GRAP2: variants seen among roughly 807,000 people sequenced by gnomAD.
The protein encoded by GRAP2 is GRB2 related adaptor protein 2.
A neutral mutation model predicts 43.5 loss-of-function variants in GRAP2; 31 were observed. The ratio of observed to expected loss-of-function variants is 0.71; its 90% CI spans 0.54 to 0.96. The LOEUF is 0.96. Among genes scored for constraint, GRAP2 ranks in the 40% least tolerant of loss-of-function variants. GRAP2 has a pLI of 0.00. For synonymous variants in GRAP2, 156 were observed against 164.8 expected, an observed-to-expected ratio of 0.95 and a Z score of 0.41; for missense variants, 371 against 424.4, an observed-to-expected ratio of 0.87 and a Z score of 1.11.
intron 1 of GRAP2, among the ~76,000 whole-genome samples, chr22:39,903,184 G>C (rs1039597701): frequency 6.6e-6 from 1 of 152,196 alleles, no homozygotes. Flanking sequence ...ATAAGTAACA[G>C]TTGCTGCTGG....
chr22:39,966,028 A>G lies in GRAP2; in HGVS notation c.329A>G (p.Asp110Gly), dbSNP rs1164117471. The G allele has an allele frequency of 6.2e-7, 1 of 1,614,128 alleles. No homozygotes were observed. The highest frequency in any genetic ancestry group is 8.5e-7 in the Non-Finnish European group (1 of 1,179,946). The change falls in exon 5 of 8, where the codon GAC becomes GGC. Residue 110 changes from aspartate (D) to glycine (G), a missense_variant. Physicochemically the swap from Asp to Gly is moderately conservative, Grantham distance 94 (BLOSUM62 -1). Transcript: ENST00000344138. ...GTTCAACACTTCAAGGTCATGCGAG[A>G]CAACAAGGGTAATTACTTTCTGTGG... ...DDVQHFKVMR[D>G]NKGNYFLWTE...
chr22:39,901,327 A>C lies in GRAP2; in HGVS notation c.-18A>C. 8.5e-7 allele frequency: 1 copy of C among 1,173,980 alleles called. No homozygotes were observed. The highest frequency in any genetic ancestry group is 2.2e-4 in the Middle Eastern group (1 of 4,474). 72.7% of individuals were successfully genotyped at this position (1,173,980 alleles called of 1,614,324 possible). ...CATAAACTCAACCCCTTCTCTTCCA[A>C]AAGGTATGTCATTATACAACATCTG... On this transcript the variant is annotated 5_prime_UTR_variant, in exon 1 of 8. Transcript: ENST00000344138.
At chr22:39,933,916 AAGG>A (rs1277750630) in intron 1 of GRAP2, among the ~76,000 whole-genome samples, 1 of 152,098 alleles carries the variant, frequency 6.6e-6, no homozygotes, top group Non-Finnish European at 1.5e-5. Flanking sequence ...TCTGTCAAGC[AAGG>A]AGAATAGGGT....
At chr22:39,926,631 AAG>A (rs1488756619) in intron 1 of GRAP2, 1 of 985,358 alleles carries the variant, frequency 1.0e-6, no homozygotes, top group Non-Finnish European at 1.2e-6. Flanking sequence ...GGTTCGTGTT[AAG>A]TCTGAGTTCC....
chr22:39,958,933 C>T (rs1259053439), intron 3 of GRAP2, among the ~76,000 whole-genome samples: 1 of 152,242 alleles, frequency 6.6e-6, no homozygotes, highest in Non-Finnish European at 1.5e-5. Context: ...CAGTGGGGGA[C>T]TCAGTCTCCA....
intron 1 of GRAP2, among the ~76,000 whole-genome samples, chr22:39,928,855 A>G (rs898154551): frequency 5.9e-5 from 9 of 152,254 alleles, no homozygotes; most frequent in African/African-American, 2.2e-4. Flanking sequence ...GCTCTTCTCC[A>G]TAATGAGATA....
At chr22:39,917,301 C>T (rs1380162012) in intron 1 of GRAP2, among the ~76,000 whole-genome samples, 2 of 152,166 alleles carry the variant, frequency 1.3e-5, no homozygotes, top group African/African-American at 4.8e-5. Flanking sequence ...CAAAGCCCCC[C>T]TCTCTACAAC....
intron 2 of GRAP2, among the ~76,000 whole-genome samples, chr22:39,950,692 A>G (rs762894933): frequency 6.6e-6 from 1 of 152,244 alleles, no homozygotes; most frequent in Non-Finnish European, 1.5e-5. Flanking sequence ...TTCATTTAGA[A>G]TTCCATTGGA....
chr22:39,940,146 G>A (rs1008162179), intron 1 of GRAP2, among the ~76,000 whole-genome samples: 6 of 152,166 alleles, frequency 3.9e-5, no homozygotes, highest in African/African-American at 7.2e-5. Context: ...TAAAGGCTCC[G>A]GAAGATGAGT....
At chr22:39,915,188 C>CAAAAAAAAAAAAAA (rs71326789) in intron 1 of GRAP2, among the ~76,000 whole-genome samples, 2 of 56,838 alleles carry the variant, frequency 3.5e-5, no homozygotes, top group Non-Finnish European at 3.4e-5. Flanking sequence ...GACTCCATCT[C>CAAAAAAAAAAAAAA]AAAAAAAAAA....
chr22:39,962,410 GCAAGACCCTGTCT>G (rs2067128967), intron 4 of GRAP2, among the ~76,000 whole-genome samples: 1 of 152,032 alleles, frequency 6.6e-6, no homozygotes, highest in African/African-American at 2.4e-5. Context: ...GGGTGACAGA[GCAAGACCCTGTCT>G]CAAGAGAAAA....
intron 1 of GRAP2, among the ~76,000 whole-genome samples, chr22:39,916,778 C>G (rs527381612): frequency 6.6e-6 from 1 of 152,242 alleles, no homozygotes; most frequent in Non-Finnish European, 1.5e-5. Flanking sequence ...ACTTTTTTAG[C>G]ACATTAAAAA....
At chr22:39,957,359 G>A (rs747203723) in intron 3 of GRAP2, among the ~76,000 whole-genome samples, 8 of 152,072 alleles carry the variant, frequency 5.3e-5, no homozygotes, top group African/African-American at 1.7e-4. Context: ...CTCTTAGCCC[G>A]TGACCTTGAT....
chr22:39,955,272 C>A (rs542158846), intron 2 of GRAP2, among the ~76,000 whole-genome samples: 1 of 152,062 alleles, frequency 6.6e-6, no homozygotes, highest in African/African-American at 2.4e-5. Context: ...GCAGGGGGAT[C>A]GCTTGAACCC....
intron 3 of GRAP2, among the ~76,000 whole-genome samples, chr22:39,959,500 G>A (rs1239568320): frequency 6.6e-6 from 1 of 152,122 alleles, no homozygotes; most frequent in Non-Finnish European, 1.5e-5. Flanking sequence ...ACTGAGCAAA[G>A]CCCCCTTGTG....
intron 1 of GRAP2, among the ~76,000 whole-genome samples, chr22:39,904,329 A>T (rs1197690712): frequency 6.6e-6 from 1 of 152,234 alleles, no homozygotes; most frequent in Non-Finnish European, 1.5e-5. Context: ...CAGATGTTTC[A>T]GCGAGCTGAG....
chr22:39,951,300 T>C (rs2066979726), intron 2 of GRAP2, among the ~76,000 whole-genome samples: 1 of 152,208 alleles, frequency 6.6e-6, no homozygotes, highest in Admixed American at 6.5e-5. Flanking sequence ...ACATTTGAAT[T>C]TGCCATTAAA....
rs547144897 is a variant in GRAP2 at position 39,956,465 on chromosome 22, G to GTTTTGGGATT, written c.170+562_170+563insATTTTTTGGG. Among the ~76,000 whole-genome samples the GTTTTGGGATT allele has an allele frequency of 7.0e-4, 106 of 151,734 alleles. 2 individuals carry two copies. In the East Asian group the frequency reaches 0.016, roughly 23 times the overall value. On this transcript the variant is annotated intron_variant, in intron 3 of 7. Transcript: ENST00000344138. ...AACCACCATGCCTGGCCTATTTTAA[G>GTTTTGGGATT]TTTTGGGTTTTTTTGGGTTTTTTTA...
At chr22:39,949,651 G>A (rs2066960737) in intron 2 of GRAP2, among the ~76,000 whole-genome samples, 1 of 152,162 alleles carries the variant, frequency 6.6e-6, no homozygotes, top group African/African-American at 2.4e-5. Context: ...GGAGACTGGG[G>A]CCCAGTCATC....
Sources: gnomAD v4.1 joint callset for allele counts (sites outside exome capture counted in the v4.1 genomes callset) on GRCh38, gnomAD v4.1.1 for gene constraint, MANE v1.5 for transcripts, NCBI Gene and HGNC (gene_info 2026-07-23, HGNC 2026-07-21) for gene names.